Variants in DLG2 observed in about 807,000 individuals in gnomAD.
DLG2 encodes the protein disks large homolog 2.
A neutral mutation model predicts 132.5 loss-of-function variants in DLG2; 45 were observed. The observed-to-expected ratio is 0.34, with a 90% CI of 0.27 to 0.44. DLG2 has a LOEUF of 0.44. Among genes scored for constraint, DLG2 ranks in the 20% least tolerant of loss-of-function variants. The probability of loss-of-function intolerance (pLI) is 1.00; values close to 1 mark genes in which losing one functional copy is unlikely to be tolerated. For missense variants in DLG2, 1,045 were observed against 1,196.9 expected (o/e 0.87, Z 1.87); for synonymous variants, 424 against 419.6 (o/e 1.01, Z -0.13).
Position 84,344,999 on chromosome 11 carries a change from A to C in DLG2, c.520-93708T>G, listed in dbSNP as rs548626128. Among the ~76,000 whole-genome samples, 62 of 152,306 alleles carry C rather than the reference A, an allele frequency of 4.1e-4. 2 individuals are homozygous for C. The South Asian group carries it at 0.012, about 30-fold the overall frequency. Reference sequence around the variant, plus strand: ...TTGAAGCCTTATTATATTACTTTTTAATCCTTTGCAATGCAATACTAATGC... The same window carrying C: ...TTGAAGCCTTATTATATTACTTTTTCATCCTTTGCAATGCAATACTAATGC... On this transcript the variant is annotated intron_variant, in intron 7 of 27. Transcript: ENST00000376104.
chr11:83,627,460 G>A (rs142523599), intron 19 of DLG2, among the ~76,000 whole-genome samples: 1,644 of 152,084 alleles, frequency 0.011, 37 homozygotes, highest in African/African-American at 0.033. Flanking sequence ...GAGAAGATGC[G>A]GTGTTTGGTT....
intron 6 of DLG2, among the ~76,000 whole-genome samples, chr11:84,613,290 A>G (rs918561473): frequency 1.3e-5 from 2 of 152,162 alleles, no homozygotes; most frequent in Non-Finnish European, 2.9e-5. Context: ...GTTTATCATA[A>G]CTATATTAGG....
chr11:85,037,463 G>A (rs753271971), intron 6 of DLG2, among the ~76,000 whole-genome samples: 10 of 152,188 alleles, frequency 6.6e-5, no homozygotes, highest in Admixed American at 2.6e-4. Flanking sequence ...AGTAGACATT[G>A]TTGAATGCCA....
intron 3 of DLG2, among the ~76,000 whole-genome samples, chr11:85,353,618 G>A (rs1173435562): frequency 6.6e-6 from 1 of 152,202 alleles, no homozygotes; most frequent in African/African-American, 2.4e-5. Flanking sequence ...ACTGGATTAA[G>A]AAAATGTGGC....
At chr11:83,630,524 C>T (rs1328133339) in intron 19 of DLG2, among the ~76,000 whole-genome samples, 4 of 152,316 alleles carry the variant, frequency 2.6e-5, no homozygotes, top group South Asian at 4.1e-4. Flanking sequence ...CACATTCCTA[C>T]AGCACAGTTT....
At chr11:85,607,984 G>A (rs749135507) in intron 2 of DLG2, among the ~76,000 whole-genome samples, 6 of 152,128 alleles carry the variant, frequency 3.9e-5, no homozygotes, top group South Asian at 4.2e-4. Flanking sequence ...GATTTTTCTC[G>A]GTCCTCTTTG....
At chr11:84,811,825 G>T (rs1344704071) in intron 6 of DLG2, among the ~76,000 whole-genome samples, 1 of 152,138 alleles carries the variant, frequency 6.6e-6, no homozygotes, top group Admixed American at 6.6e-5. Flanking sequence ...AAGTAGCTCA[G>T]AATCTATTAG....
intron 6 of DLG2, among the ~76,000 whole-genome samples, chr11:84,976,745 A>C (rs997401375): frequency 7.9e-5 from 12 of 152,110 alleles, no homozygotes; most frequent in African/African-American, 2.7e-4. Flanking sequence ...AATTTTACTT[A>C]TTTTTAGACA....
At chr11:84,221,786 G>A (rs1038231860) in intron 8 of DLG2, among the ~76,000 whole-genome samples, 5 of 152,034 alleles carry the variant, frequency 3.3e-5, no homozygotes, top group East Asian at 3.9e-4. Flanking sequence ...CTACTGCCAC[G>A]TTTGTCTCAT....
intron 6 of DLG2, among the ~76,000 whole-genome samples, chr11:84,713,080 T>C (rs562058513): frequency 6.6e-6 from 1 of 152,144 alleles, no homozygotes; most frequent in African/African-American, 2.4e-5. Flanking sequence ...CTCTCATCAG[T>C]GTACCTTACA....
chr11:84,739,972 T>C (rs1029509956), intron 6 of DLG2, among the ~76,000 whole-genome samples: 7 of 151,980 alleles, frequency 4.6e-5, no homozygotes, highest in East Asian at 3.9e-4. Context: ...CTAGAGTCCA[T>C]TGTCTTGGGG....
chr11:84,586,308 A>G (rs1022400075), intron 6 of DLG2, among the ~76,000 whole-genome samples: 2 of 152,230 alleles, frequency 1.3e-5, no homozygotes, highest in African/African-American at 2.4e-5. Flanking sequence ...TGTTATGATT[A>G]TATCATGATC....
At chr11:85,574,179 T>G (rs780234402) in intron 3 of DLG2, among the ~76,000 whole-genome samples, 26 of 151,988 alleles carry the variant, frequency 1.7e-4, no homozygotes, top group Non-Finnish European at 2.5e-4. Context: ...TAATAAAAAT[T>G]TTTCATATTA....
chr11:85,039,834 C>A (rs12285757), intron 6 of DLG2, among the ~76,000 whole-genome samples: 5 of 151,912 alleles, frequency 3.3e-5, no homozygotes, highest in Admixed American at 1.3e-4. Context: ...AGCACAGTGT[C>A]TGCAACTTGG....
In DLG2 at chr11:83,930,414, G is replaced by A. The variant is rs775672499; in HGVS notation, c.1410C>T (p.Ser470=). 3.1e-5 allele frequency: 50 copies of A among 1,614,052 alleles called. 1 individual carries two copies. The South Asian group carries it at 5.2e-4, about 17-fold the overall frequency. ...CDKPASPRHY[S]PVECDKSFLL... is the part of the protein sequence containing the mutation. ...GGAAGCTTTTGTCACACTCAACAGG[G>A]GAATAGTGCCTGGGAGAAGCAGGCT... is the stretch of plus-strand genomic sequence containing the variant. Residue 470 remains serine, a synonymous_variant, in exon 15 of 28, where the codon TCC becomes TCT. Coordinates refer to ENST00000376104, the MANE Select transcript of DLG2 (RefSeq NM_001142699.3).
intron 3 of DLG2, among the ~76,000 whole-genome samples, chr11:85,496,910 A>T (rs953191054): frequency 5.3e-5 from 8 of 152,268 alleles, no homozygotes; most frequent in African/African-American, 1.7e-4. Flanking sequence ...CCACTCAGAG[A>T]CTACAGCCAA....
At chr11:85,511,642 T>C (rs573168807) in intron 3 of DLG2, among the ~76,000 whole-genome samples, 1 of 152,154 alleles carries the variant, frequency 6.6e-6, no homozygotes, top group East Asian at 1.9e-4. Flanking sequence ...CACTGAGGCT[T>C]CATCCTTCAT....
intron 6 of DLG2, among the ~76,000 whole-genome samples, chr11:84,611,547 TA>T (rs1300704118): frequency 6.6e-6 from 1 of 152,178 alleles, no homozygotes; most frequent in Non-Finnish European, 1.5e-5. Context: ...TTTACCACTC[TA>T]ATTGTCACCC....
At chr11:84,740,495 C>A (rs1050897814) in intron 6 of DLG2, among the ~76,000 whole-genome samples, 2 of 151,488 alleles carry the variant, frequency 1.3e-5, no homozygotes, top group Non-Finnish European at 2.9e-5. Flanking sequence ...CTAAGCCCTA[C>A]CCAGCCACTG....
Sources: allele counts gnomAD v4.1 joint callset (sites outside exome capture counted in the v4.1 genomes callset), GRCh38; gene constraint gnomAD v4.1.1; transcripts MANE v1.5; gene names NCBI Gene and HGNC (gene_info 2026-07-23, HGNC 2026-07-21).